PCDH15: variants seen among roughly 807,000 people sequenced by gnomAD.
PCDH15 encodes the protein protocadherin related 15.
A neutral mutation model predicts 178.5 loss-of-function variants in PCDH15; 129 were observed. The ratio of observed to expected loss-of-function variants is 0.72; its 90% CI spans 0.63 to 0.84. The LOEUF (loss-of-function observed/expected upper bound fraction) is 0.84. Ranked by LOEUF, PCDH15 falls within the 40% of genes least tolerant of loss-of-function variation. The pLI, the probability that PCDH15 is intolerant of heterozygous loss-of-function variation, is 0.00. For synonymous variants in PCDH15, 800 were observed against 732.0 expected, an observed-to-expected ratio of 1.09 and a Z score of -1.50; for missense variants, 2,230 against 2,099.9, an observed-to-expected ratio of 1.06 and a Z score of -1.21.
intron 1 of PCDH15, among the ~76,000 whole-genome samples, chr10:54,771,887 T>C (rs1949135040): frequency 6.6e-6 from 1 of 152,176 alleles, no homozygotes; most frequent in African/African-American, 2.4e-5. Flanking sequence ...AGTATCTGTA[T>C]ATGTAAATTC....
intron 21 of PCDH15, among the ~76,000 whole-genome samples, chr10:53,973,444 AAAAT>A (rs1471522728): frequency 6.6e-6 from 1 of 152,216 alleles, no homozygotes; most frequent in African/African-American, 2.4e-5. Flanking sequence ...GTATATTAAA[AAAAT>A]AAATTAAAAA....
chr10:54,193,774 T>C (rs955412200), intron 11 of PCDH15, among the ~76,000 whole-genome samples: 1 of 152,088 alleles, frequency 6.6e-6, no homozygotes, highest in Non-Finnish European at 1.5e-5. Flanking sequence ...TCAAAGTATA[T>C]AAAATATAGA....
intron 1 of PCDH15, among the ~76,000 whole-genome samples, chr10:54,692,997 T>C (rs904582709): frequency 1.3e-5 from 2 of 152,070 alleles, no homozygotes; most frequent in Non-Finnish European, 2.9e-5. Flanking sequence ...GGTGGATTGC[T>C]GCACCTATGA....
chr10:55,544,073 C>T (rs1445593113), intron 2 of PCDH15, among the ~76,000 whole-genome samples: 5 of 144,022 alleles, frequency 3.5e-5, no homozygotes, highest in Non-Finnish European at 6.0e-5. Flanking sequence ...ATTCACGGAA[C>T]CAGGTAAGAT....
chr10:55,261,993 G>GAGAA (rs777583485), intron 1 of PCDH15, among the ~76,000 whole-genome samples: 8 of 138,364 alleles, frequency 5.8e-5, no homozygotes, highest in Non-Finnish European at 1.1e-4. Flanking sequence ...TCACTGCTGG[G>GAGAA]AGAAAGAAAG....
intron 13 of PCDH15, among the ~76,000 whole-genome samples, chr10:54,180,635 G>A (rs1260415753): frequency 6.6e-6 from 1 of 152,116 alleles, no homozygotes; most frequent in African/African-American, 2.4e-5. Context: ...CTCTTAAAGG[G>A]TATATGTAGA....
chr10:54,757,427 C>T lies in PCDH15; in HGVS notation c.-29+43498G>A, dbSNP rs1433981673. Among the ~76,000 whole-genome samples, 11 of 88,280 alleles carry T rather than the reference C, an allele frequency of 1.2e-4. 3 individuals carry two copies. Among genetic ancestry groups the T allele is most frequent in the Admixed American group, 3.1e-4 (3 of 9,604 alleles). 57.9% of individuals were successfully genotyped at this position (88,280 alleles called of 152,430 possible). A position where few individuals can be genotyped will look rare whatever the true frequency, so the allele number is the denominator to read the frequency against. On this transcript the variant is annotated intron_variant, in intron 1 of 37. Coordinates refer to ENST00000644397, the MANE Select transcript of PCDH15 (RefSeq NM_001384140.1). ...CCTCCCGAGTAGCTGGGACTACAGGCGCGCGCCACCATGCCCGGCTAATTT... is the reference window on the plus strand; with the variant it reads ...CCTCCCGAGTAGCTGGGACTACAGGTGCGCGCCACCATGCCCGGCTAATTT...
intron 3 of PCDH15, among the ~76,000 whole-genome samples, chr10:54,817,864 T>A (rs996749466): frequency 1.3e-5 from 2 of 152,068 alleles, no homozygotes; most frequent in African/African-American, 4.8e-5. Context: ...TTATTAATAT[T>A]ACAGTCCCCC....
At chr10:53,881,270 T>C (rs2080696811) in intron 26 of PCDH15, among the ~76,000 whole-genome samples, 1 of 151,800 alleles carries the variant, frequency 6.6e-6, no homozygotes. Flanking sequence ...CACCTGGACA[T>C]AGAGAGTGGA....
At chr10:54,221,380 C>A (rs770971718) in intron 9 of PCDH15, among the ~76,000 whole-genome samples, 3 of 152,144 alleles carry the variant, frequency 2.0e-5, no homozygotes, top group East Asian at 3.9e-4. Context: ...AAATGCTACA[C>A]AATTATCTTC....
chr10:55,220,183 G>A (rs569003506), intron 1 of PCDH15, among the ~76,000 whole-genome samples: 2 of 151,876 alleles, frequency 1.3e-5, no homozygotes, highest in East Asian at 3.9e-4. Context: ...TTATCATAAT[G>A]GTACCAAACA....
chr10:53,878,980 A>G (rs1900425), intron 26 of PCDH15, among the ~76,000 whole-genome samples: 96,371 of 151,534 alleles, frequency 0.64, 31,321 homozygotes, highest in Middle Eastern at 0.78. Context: ...ACTCGGGTGT[A>G]AAATGCAGTG....
In PCDH15 at chr10:54,062,251, A is replaced by AAAAAAAAAAAAAAAT. The variant is rs2094040618; in HGVS notation, c.2220+4505_2220+4506insATTTTTTTTTTTTTT. On this transcript the variant is annotated intron_variant, in intron 18 of 37. Coordinates refer to ENST00000644397, the MANE Select transcript of PCDH15 (RefSeq NM_001384140.1). Reference sequence around the variant, plus strand: ...TCAAAAAAAAAAAAAAAAAAAAAAAAACAAAAAACAACTAAATGAAAACTC... The same window carrying AAAAAAAAAAAAAAAT: ...TCAAAAAAAAAAAAAAAAAAAAAAAAAAAAAAAAAAAAAATACAAAAAACAACTAAATGAAAACTC... Among the ~76,000 whole-genome samples, 2 of 74,390 alleles carry AAAAAAAAAAAAAAAT rather than the reference A, an allele frequency of 2.7e-5. 1 individual carries two copies. The highest frequency in any genetic ancestry group is 7.7e-4 in the South Asian group (2 of 2,612). The allele number at this position is 74,390 out of a possible 152,430, so 48.8% of individuals were successfully genotyped here. A position where few individuals can be genotyped will look rare whatever the true frequency, so the allele number is the denominator to read the frequency against.
chr10:54,757,256 T>C (rs1266492339), intron 1 of PCDH15, among the ~76,000 whole-genome samples: 2 of 150,848 alleles, frequency 1.3e-5, no homozygotes, highest in East Asian at 4.0e-4. Flanking sequence ...CACCTGTTTT[T>C]GGCTTGCTCA....
chr10:55,082,412 A>C (rs1842064565), intron 2 of PCDH15, among the ~76,000 whole-genome samples: 1 of 151,956 alleles, frequency 6.6e-6, no homozygotes, highest in Non-Finnish European at 1.5e-5. Flanking sequence ...CAACAAACAC[A>C]ATACTAAGAG....
At chr10:54,934,318 T>G (rs915254791) in intron 2 of PCDH15, among the ~76,000 whole-genome samples, 2 of 152,154 alleles carry the variant, frequency 1.3e-5, no homozygotes, top group African/African-American at 4.8e-5. Flanking sequence ...AAAATATTCA[T>G]GTGTATATAC....
chr10:54,393,384 T>C (rs1950792438), intron 3 of PCDH15, among the ~76,000 whole-genome samples: 1 of 152,188 alleles, frequency 6.6e-6, no homozygotes, highest in Non-Finnish European at 1.5e-5. Context: ...GGAGATACCA[T>C]TACATTTTTA....
At chr10:55,315,903 C>A (rs1047670834) in intron 1 of PCDH15, among the ~76,000 whole-genome samples, 5 of 152,096 alleles carry the variant, frequency 3.3e-5, no homozygotes, top group African/African-American at 1.2e-4. Flanking sequence ...ATAATCCCAG[C>A]TACTTGGGAG....
intron 8 of PCDH15, among the ~76,000 whole-genome samples, chr10:54,293,888 A>T (rs544157454): frequency 6.6e-6 from 1 of 152,326 alleles, no homozygotes; most frequent in South Asian, 2.1e-4. Flanking sequence ...AATTATTTCA[A>T]CCAGTGTGGA....
Sources: gnomAD v4.1 joint callset for allele counts (sites outside exome capture counted in the v4.1 genomes callset) on GRCh38, gnomAD v4.1.1 for gene constraint, MANE v1.5 for transcripts, NCBI Gene and HGNC (gene_info 2026-07-23, HGNC 2026-07-21) for gene names.